Variants in PCDHGB2 observed in about 807,000 individuals in gnomAD.
The protein encoded by PCDHGB2 is protocadherin gamma-B2.
In PCDHGB2, 55 loss-of-function variants were observed where a neutral mutation model predicts 59.3. The observed-to-expected ratio is 0.93, with a 90% confidence interval of 0.75 to 1.16. The LOEUF is 1.16. PCDHGB2 is among the 50% of genes most tolerant of loss of function. PCDHGB2 has a pLI of 0.00. For synonymous variants in PCDHGB2, 516 were observed against 512.0 expected (o/e 1.01, Z -0.11); for missense variants, 1,228 against 1,198.5 (o/e 1.02, Z -0.36).
At chr5:141,452,201 T>G (rs552947721) in intron 1 of PCDHGB2, among the ~76,000 whole-genome samples, 131 of 152,376 alleles carry the variant, frequency 8.6e-4, no homozygotes, top group Middle Eastern at 6.8e-3. Context: ...TTGTTTTAGA[T>G]GTTACCAATA....
chr5:141,403,030 C>T, intron 1 of PCDHGB2: 1 of 1,614,056 alleles, frequency 6.2e-7, no homozygotes, highest in Non-Finnish European at 8.5e-7. Flanking sequence ...TATGGGAGGC[C>T]AGGGCCAGTC....
At chr5:141,418,479 C>G (rs375821205) in intron 1 of PCDHGB2, 3 of 1,614,010 alleles carry the variant, frequency 1.9e-6, no homozygotes, top group Non-Finnish European at 1.7e-6. Context: ...ACGCAGAGCG[C>G]TCACCACTTG....
intron 1 of PCDHGB2, chr5:141,423,820 C>T: frequency 7.9e-7 from 1 of 1,272,642 alleles, no homozygotes. Context: ...TTTTACTTTG[C>T]CTTTCATGAG....
At chr5:141,373,996 C>A in intron 1 of PCDHGB2, 1 of 1,266,244 alleles carries the variant, frequency 7.9e-7, no homozygotes, top group South Asian at 2.2e-5. Context: ...TGTTGAAGGA[C>A]CTTCACCGCT....
intron 1 of PCDHGB2, chr5:141,415,230 A>G (rs1222982593): frequency 6.2e-7 from 1 of 1,614,050 alleles, no homozygotes; most frequent in Non-Finnish European, 8.5e-7. Context: ...TCGAGTCTCC[A>G]GCTAACTCTG....
At chr5:141,364,125 C>T in intron 1 of PCDHGB2, 1 of 466,222 alleles carries the variant, frequency 2.1e-6, no homozygotes. Flanking sequence ...CTGAGTGTCG[C>T]TGTTGACCAA....
Position 141,491,965 on chromosome 5 carries a change from G to A in PCDHGB2, c.2422-2842G>A. 1 of 946,810 alleles carries A rather than the reference G, an allele frequency of 1.1e-6. No individual in the cohort carries two copies. Among genetic ancestry groups the A allele is most frequent in the Non-Finnish European group, 1.5e-6 (1 of 672,398 alleles). 58.7% of individuals were successfully genotyped at this position (946,810 alleles called of 1,614,324 possible). On this transcript the variant is annotated intron_variant, in intron 1 of 3. Coordinates refer to ENST00000522605, the MANE Select transcript of PCDHGB2 (RefSeq NM_018923.3). The surrounding 1 kb of genome is among the most constrained non-coding windows in gnomAD (Gnocchi z 6.9). ...CCCACCCCTACACTCAAAAAAGGCC[G>A]GGGCCTCCTTCGAGCTTCCGGTGAA...
In PCDHGB2 at chr5:141,419,425, C is replaced by T. The variant is rs3749766; in HGVS notation, c.2421+56869C>T. Reference sequence around the variant, plus strand: ...TGTTCGCGCAGCGCGCCTTCGACCACGAGCAGCTGCGCACCTTCGAGCTCA... The same window carrying T: ...TGTTCGCGCAGCGCGCCTTCGACCATGAGCAGCTGCGCACCTTCGAGCTCA... On this transcript the variant is annotated intron_variant, in intron 1 of 3. Transcript: ENST00000522605. 284 of 1,613,316 alleles carry T rather than the reference C, an allele frequency of 1.8e-4. 1 individual carries two copies. The East Asian group carries it at 5.9e-3, about 34-fold the overall frequency.
chr5:141,410,415 T>C (rs1589759810), intron 1 of PCDHGB2: 1 of 1,614,066 alleles, frequency 6.2e-7, no homozygotes. Flanking sequence ...TCTGGACCTG[T>C]AGTTCCCCCC....
chr5:141,492,846 A>G (rs1404624093), intron 1 of PCDHGB2, among the ~76,000 whole-genome samples: 1 of 152,184 alleles, frequency 6.6e-6, no homozygotes, highest in African/African-American at 2.4e-5. Flanking sequence ...AGGAAGTGAA[A>G]GCCTCGAGCG....
chr5:141,469,829 A>G (rs2099212486), intron 1 of PCDHGB2, among the ~76,000 whole-genome samples: 1 of 152,102 alleles, frequency 6.6e-6, no homozygotes, highest in African/African-American at 2.4e-5. Context: ...AGGTCACATA[A>G]AACTTATTCT....
At chr5:141,409,576 G>C (rs1238671221) in intron 1 of PCDHGB2, 52 of 1,613,806 alleles carry the variant, frequency 3.2e-5, no homozygotes, top group Non-Finnish European at 4.2e-5. Flanking sequence ...CGTCCTACGT[G>C]GTCCACGTGG....
At chr5:141,389,766 C>A (rs1217222336) in intron 1 of PCDHGB2, 1 of 1,613,060 alleles carries the variant, frequency 6.2e-7, no homozygotes, top group East Asian at 2.2e-5. Flanking sequence ...GCGCACAGCG[C>A]GTGCCTTAGG....
intron 2 of PCDHGB2, among the ~76,000 whole-genome samples, chr5:141,500,410 C>G (rs2099800033): frequency 6.6e-6 from 1 of 151,774 alleles, no homozygotes; most frequent in Non-Finnish European, 1.5e-5. Flanking sequence ...GGGGTTTCAC[C>G]GTGTTAGCCA....
At chr5:141,444,531 C>T (rs1021207516) in intron 1 of PCDHGB2, among the ~76,000 whole-genome samples, 2 of 152,100 alleles carry the variant, frequency 1.3e-5, no homozygotes, top group Non-Finnish European at 1.5e-5. Context: ...GAGACAGTGA[C>T]TGTGTCTAGT....
intron 1 of PCDHGB2, chr5:141,440,247 T>C (rs1158469276): frequency 1.3e-5 from 2 of 152,296 alleles, no homozygotes; most frequent in Non-Finnish European, 2.9e-5. Context: ...GGCGAGCAGA[T>C]TACGAGGTCA....
Position 141,487,252 on chromosome 5 carries a change from G to T in PCDHGB2, c.2422-7555G>T. ...GAGAATCTCGTCTAACCCTCTACTT[G>T]GCTGTGTCCCTAGTGGCAATTTGCT... On this transcript the variant is annotated intron_variant, in intron 1 of 3. Transcript: ENST00000522605. The surrounding 1 kb of genome is among the most constrained non-coding windows in gnomAD (Gnocchi z 5.0). 1 of 1,614,110 alleles carries T rather than the reference G, an allele frequency of 6.2e-7. No homozygotes were observed. The highest frequency in any genetic ancestry group is 8.5e-7 in the Non-Finnish European group (1 of 1,180,014).
At chr5:141,441,499 GCCT>G (rs1350774469) in intron 1 of PCDHGB2, 5 of 169,932 alleles carry the variant, frequency 2.9e-5, no homozygotes, top group African/African-American at 1.2e-4. Context: ...TTTCTACCAG[GCCT>G]CCTACGTCGT....
intron 1 of PCDHGB2, chr5:141,393,975 G>C (rs2092889131): frequency 6.2e-7 from 1 of 1,613,680 alleles, no homozygotes; most frequent in Admixed American, 1.7e-5. Context: ...TTACACACGT[G>C]ATAATTTACC....
Sources: allele counts gnomAD v4.1 joint callset (sites outside exome capture counted in the v4.1 genomes callset), GRCh38; gene constraint gnomAD v4.1.1; non-coding constraint Gnocchi (gnomAD v3.1); transcripts MANE v1.5; gene names NCBI Gene and HGNC (gene_info 2026-07-23, HGNC 2026-07-21).